Variants in NAV3 observed in about 807,000 individuals in gnomAD.
NAV3 encodes the protein neuron navigator 3.
A neutral mutation model predicts 244.7 loss-of-function variants in NAV3; 87 were observed. The ratio of observed to expected loss-of-function variants is 0.36; its 90% CI spans 0.30 to 0.42. The LOEUF is 0.42. NAV3 is among the 20% of genes least tolerant of loss of function. The pLI is 1.00. For synonymous variants in NAV3, 1,126 were observed against 1,042.2 expected (o/e 1.08, Z -1.55); for missense variants, 2,663 against 2,893.3 (o/e 0.92, Z 1.83).
At chr12:77,991,300 C>T (rs10777620) in intron 5 of NAV3, among the ~76,000 whole-genome samples, 125,285 of 152,136 alleles carry the variant, frequency 0.82, 51,736 homozygotes, top group Admixed American at 0.87. Flanking sequence ...CTGTGATTAC[C>T]GATGTGAGCC....
chr12:77,605,228 C>G (rs1385249667), intron 2 of NAV3, among the ~76,000 whole-genome samples: 1 of 150,642 alleles, frequency 6.6e-6, no homozygotes, highest in East Asian at 1.9e-4. Context: ...AGCTTCTATA[C>G]TCTCAGTTTA....
intron 2 of NAV3, among the ~76,000 whole-genome samples, chr12:77,656,510 G>GAGACTTTAACACCCCACTGTCAACATT (rs1873111475): frequency 1.7e-5 from 2 of 118,820 alleles, no homozygotes; most frequent in Admixed American, 1.7e-4. Context: ...TTAATAATGG[G>GAGACTTTAACACCCCACTGTCAACATT]AGACTTTAAC....
chr12:77,755,994 A>G (rs1592652051), intron 2 of NAV3, among the ~76,000 whole-genome samples: 1 of 152,170 alleles, frequency 6.6e-6, no homozygotes, highest in African/African-American at 2.4e-5. Context: ...CTAACTTAGC[A>G]TGGTCTTTGA....
intron 39 of NAV3, among the ~76,000 whole-genome samples, chr12:78,208,662 A>G (rs1350466879): frequency 6.6e-6 from 1 of 152,174 alleles, no homozygotes; most frequent in African/African-American, 2.4e-5. Context: ...ACTATATGAC[A>G]CCATTTTAAA....
chr12:77,701,279 G>A (rs892204902), intron 2 of NAV3, among the ~76,000 whole-genome samples: 1 of 151,914 alleles, frequency 6.6e-6, no homozygotes, highest in Non-Finnish European at 1.5e-5. Context: ...CATTTTGGTA[G>A]TTGTATTTTC....
intron 2 of NAV3, among the ~76,000 whole-genome samples, chr12:77,824,241 ATTTTTTTT>A (rs61710960): frequency 7.6e-5 from 8 of 104,920 alleles, no homozygotes; most frequent in African/African-American, 1.5e-4. Flanking sequence ...GCCCAACTAA[ATTTTTTTT>A]TTTTTTTTTT....
chr12:77,671,688 T>C (rs1175787242), intron 2 of NAV3, among the ~76,000 whole-genome samples: 1 of 152,054 alleles, frequency 6.6e-6, no homozygotes, highest in Admixed American at 6.6e-5. Context: ...CGACAAATGA[T>C]GGGATAATTG....
intron 12 of NAV3, among the ~76,000 whole-genome samples, chr12:78,079,531 A>G (rs1396540340): frequency 6.6e-6 from 1 of 152,212 alleles, no homozygotes; most frequent in African/African-American, 2.4e-5. Context: ...AAGGACGATT[A>G]TAAAGATTAC....
At chr12:78,037,523 T>A in intron 9 of NAV3, 1 of 590,148 alleles carries the variant, frequency 1.7e-6, no homozygotes, top group Non-Finnish European at 3.0e-6. Flanking sequence ...CATTTTAAAT[T>A]CCTGTTTCTT....
At chr12:78,170,785 C>T (rs965293648) in intron 24 of NAV3, among the ~76,000 whole-genome samples, 1 of 151,702 alleles carries the variant, frequency 6.6e-6, no homozygotes, top group Non-Finnish European at 1.5e-5. Flanking sequence ...GTTTGATCAG[C>T]ATAAAGACTT....
chr12:77,906,293 A>G (rs1056080459), intron 1 of NAV3, among the ~76,000 whole-genome samples: 1 of 152,064 alleles, frequency 6.6e-6, no homozygotes, highest in Non-Finnish European at 1.5e-5. Flanking sequence ...AGAGAAAGCA[A>G]ACAAGCTTTT....
At chr12:78,084,639 AT>A (rs375082402) in intron 12 of NAV3, among the ~76,000 whole-genome samples, 192 of 151,888 alleles carry the variant, frequency 1.3e-3, no homozygotes, top group Middle Eastern at 6.8e-3. Flanking sequence ...CCCTTGAAAT[AT>A]TTTTTAAAGT....
At chr12:77,626,727 T>A (rs1295944106) in intron 2 of NAV3, among the ~76,000 whole-genome samples, 1 of 152,106 alleles carries the variant, frequency 6.6e-6, no homozygotes, top group Non-Finnish European at 1.5e-5. Context: ...AAATGAAAAC[T>A]GTATAAATAA....
intron 1 of NAV3, among the ~76,000 whole-genome samples, chr12:77,846,258 A>C (rs937581203): frequency 6.6e-6 from 1 of 152,240 alleles, no homozygotes; most frequent in African/African-American, 2.4e-5. Flanking sequence ...GGTATGAACT[A>C]TCTGAGAATC....
chr12:78,133,733 C>A (rs1293271403), intron 18 of NAV3, among the ~76,000 whole-genome samples: 2 of 152,080 alleles, frequency 1.3e-5, no homozygotes, highest in Non-Finnish European at 2.9e-5. Context: ...TAGTAGAAAC[C>A]ATTCCCATTC....
chr12:77,986,868 G>A (rs545774577), intron 5 of NAV3, among the ~76,000 whole-genome samples: 2 of 152,208 alleles, frequency 1.3e-5, no homozygotes, highest in East Asian at 3.9e-4. Flanking sequence ...ATAGGAATTA[G>A]TAGAAAAAAA....
chr12:78,123,979 T>G (rs1290318127), intron 16 of NAV3, among the ~76,000 whole-genome samples: 2 of 152,218 alleles, frequency 1.3e-5, no homozygotes, highest in Admixed American at 6.5e-5. Context: ...AACCTATAGT[T>G]TTAATGAATG....
intron 2 of NAV3, among the ~76,000 whole-genome samples, chr12:77,602,041 C>A (rs1565732365): frequency 2.0e-5 from 3 of 151,938 alleles, no homozygotes; most frequent in African/African-American, 7.2e-5. Flanking sequence ...CTCTGTCAGC[C>A]AAACACTGCA....
upstream of NAV3, among the ~76,000 whole-genome samples, chr12:77,829,690 G>A (rs1288155253): frequency 6.6e-6 from 1 of 152,088 alleles, no homozygotes; most frequent in African/African-American, 2.4e-5. Flanking sequence ...GCCCACTTGG[G>A]TTACTATTTT....
Sources: allele counts gnomAD v4.1 joint callset (sites outside exome capture counted in the v4.1 genomes callset), GRCh38; gene constraint gnomAD v4.1.1; transcripts MANE v1.5; gene names NCBI Gene and HGNC (gene_info 2026-07-23, HGNC 2026-07-21).